Variants in C14orf132 observed in about 807,000 individuals in gnomAD.
C14orf132 encodes the protein chromosome 14 open reading frame 132, also known as uncharacterized protein C14orf132.
Under a neutral mutation model 5.8 loss-of-function variants are expected in C14orf132, and 6 were observed. The ratio of observed to expected loss-of-function variants is 1.03; its 90% confidence interval spans 0.57 to 2.04. The LOEUF is 2.04. Ranked by LOEUF, C14orf132 falls within the 30% of genes most tolerant of loss-of-function variation. C14orf132 has a pLI of 0.00. For synonymous variants in C14orf132, 51 were observed against 49.8 expected (o/e 1.02, Z -0.10); for missense variants, 125 against 115.8 (o/e 1.08, Z -0.37).
intron 1 of C14orf132, among the ~76,000 whole-genome samples, chr14:96,059,923 C>T (rs1452602025): frequency 1.3e-5 from 2 of 152,244 alleles, no homozygotes; most frequent in Non-Finnish European, 2.9e-5. Flanking sequence ...CATCTCTAGG[C>T]CTGGGCCCGA....
chr14:96,084,621 T>G (rs1254857349), intron 1 of C14orf132, among the ~76,000 whole-genome samples: 1 of 152,216 alleles, frequency 6.6e-6, no homozygotes, highest in Non-Finnish European at 1.5e-5. Context: ...AATTGAAATA[T>G]AGTAATAGAA....
At chr14:96,042,142 T>A (rs928904556) in intron 1 of C14orf132, among the ~76,000 whole-genome samples, 1 of 152,210 alleles carries the variant, frequency 6.6e-6, no homozygotes, top group African/African-American at 2.4e-5. Flanking sequence ...ACTGTAGGCA[T>A]ATATCTCCTG....
In C14orf132 at chr14:96,093,398, C is replaced by A. The variant is rs1888479500; in HGVS notation, c.*6663C>A. On this transcript the variant is annotated 3_prime_UTR_variant, in exon 2 of 2. Transcript: ENST00000555004. The stretch of plus-strand genomic sequence containing the variant: ...TAGGAATGGGGTGGGCATGGGAGTG[C>A]TGGGTAGCAGCCTTTGAGCAAATCT... 1 of 152,204 alleles carries A rather than the reference C, an allele frequency of 6.6e-6. No individual in the cohort carries two copies. Among genetic ancestry groups the A allele is most frequent in the East Asian group, 1.9e-4 (1 of 5,196 alleles). The allele number at this position is 152,204 out of a possible 1,614,324, so 9.4% of individuals were successfully genotyped here. A position where few individuals can be genotyped will look rare whatever the true frequency, so the allele number is the denominator to read the frequency against.
intron 1 of C14orf132, among the ~76,000 whole-genome samples, chr14:96,080,696 G>C (rs1467149778): frequency 6.6e-6 from 1 of 152,188 alleles, no homozygotes; most frequent in African/African-American, 2.4e-5. Context: ...CATGGAGACT[G>C]TTGGGAAGGC....
chr14:96,046,603 C>T (rs34335897), intron 1 of C14orf132, among the ~76,000 whole-genome samples: 9,882 of 152,324 alleles, frequency 0.065, 455 homozygotes, highest in East Asian at 0.15. Context: ...TCCCCCACCT[C>T]GCTCTTTCGC....
Position 96,054,377 on chromosome 14 carries a change from C to T in C14orf132, c.27+14850C>T, listed in dbSNP as rs189183567. On this transcript the variant is annotated intron_variant, in intron 1 of 1. Transcript: ENST00000555004. ...TGATGGTAGTTATGATACGTTGCCA[C>T]AAGCCTTGGGATTTTGCCGCTTAAA... 1.4e-3 allele frequency among the ~76,000 whole-genome samples: 212 copies of T among 152,290 alleles called. 3 individuals are homozygous for T. The highest frequency in any genetic ancestry group is 4.5e-3 in the African/African-American group (186 of 41,552).
At chr14:96,041,018 G>C (rs1330717018) in intron 1 of C14orf132, among the ~76,000 whole-genome samples, 2 of 152,174 alleles carry the variant, frequency 1.3e-5, no homozygotes, top group African/African-American at 4.8e-5. Context: ...GCAACTTGAC[G>C]AAATAAATAC....
chr14:96,093,872 A>G lies in C14orf132; in HGVS notation c.*7137A>G, dbSNP rs1430627335. The G allele has an allele frequency of 1.3e-5, 2 of 152,196 alleles. No homozygotes were observed. The highest frequency in any genetic ancestry group is 2.9e-5 in the Non-Finnish European group (2 of 68,030). 9.4% of individuals were successfully genotyped at this position (152,196 alleles called of 1,614,324 possible). A position where few individuals can be genotyped will look rare whatever the true frequency, so the allele number is the denominator to read the frequency against. ...TTTCTATTATGATAACTGAAAAGAG[A>G]AAAGAAGAAAACATGAACTCCTCTG... On this transcript the variant is annotated 3_prime_UTR_variant, in exon 2 of 2. Coordinates refer to ENST00000555004, the MANE Select transcript of C14orf132 (RefSeq NM_001252507.3).
chr14:96,058,574 A>T (rs1178203766), intron 1 of C14orf132, among the ~76,000 whole-genome samples: 1 of 152,120 alleles, frequency 6.6e-6, no homozygotes, highest in Non-Finnish European at 1.5e-5. Context: ...ATTGAAGTTA[A>T]CATTGTGGCT....
chr14:96,049,165 G>T (rs1045064720), intron 1 of C14orf132, among the ~76,000 whole-genome samples: 1 of 152,022 alleles, frequency 6.6e-6, no homozygotes, highest in African/African-American at 2.4e-5. Context: ...TCTAATCCCA[G>T]CACTTTGGGA....
chr14:96,050,963 C>CT (rs1887008588), intron 1 of C14orf132, among the ~76,000 whole-genome samples: 2 of 152,142 alleles, frequency 1.3e-5, no homozygotes. Flanking sequence ...ACCGTTCCTC[C>CT]TTTTCTCCCG....
At chr14:96,059,906 C>A (rs1343131320) in intron 1 of C14orf132, among the ~76,000 whole-genome samples, 4 of 152,200 alleles carry the variant, frequency 2.6e-5, no homozygotes, top group Non-Finnish European at 4.4e-5. Context: ...TTCCCATGAG[C>A]AGACCCCATC....
intron 1 of C14orf132, among the ~76,000 whole-genome samples, chr14:96,056,219 C>G (rs529943827): frequency 8.5e-5 from 13 of 152,330 alleles, no homozygotes; most frequent in Non-Finnish European, 1.6e-4. Context: ...ACTCAGCATG[C>G]TGGTGGCATG....
At position 96,087,056 on chromosome 14, in the gene C14orf132, A is replaced by G. The variant is rs1008269955; in HGVS notation, c.*321A>G. The G allele has an allele frequency of 8.1e-6, 3 of 370,492 alleles. No individual in the cohort carries two copies. Among genetic ancestry groups the G allele is most frequent in the Non-Finnish European group, 1.5e-5 (3 of 202,666 alleles). 23.0% of individuals were successfully genotyped at this position (370,492 alleles called of 1,614,324 possible). A position where few individuals can be genotyped will look rare whatever the true frequency, so the allele number is the denominator to read the frequency against. On this transcript the variant is annotated 3_prime_UTR_variant, in exon 2 of 2. Coordinates refer to ENST00000555004, the MANE Select transcript of C14orf132 (RefSeq NM_001252507.3). ...ACAGCTAGTTAAGTTTAAAACATAG[A>G]CATGATTTGATGATCGCTTGCTGGT...
chr14:96,072,162 C>T (rs1887730632), intron 1 of C14orf132, among the ~76,000 whole-genome samples: 1 of 152,252 alleles, frequency 6.6e-6, no homozygotes, highest in Non-Finnish European at 1.5e-5. Flanking sequence ...CGAGCACTTC[C>T]TCAGGAGAGT....
chr14:96,081,918 G>A (rs1230332352), intron 1 of C14orf132, among the ~76,000 whole-genome samples: 2 of 152,082 alleles, frequency 1.3e-5, no homozygotes, highest in African/African-American at 4.8e-5. Context: ...TTTTTTTGTT[G>A]TTGTTGTTTC....
Position 96,088,329 on chromosome 14 carries a change from C to G in C14orf132, c.*1594C>G, listed in dbSNP as rs1888270423. The G allele has an allele frequency of 6.6e-6, 1 of 152,210 alleles. No homozygotes were observed. Among genetic ancestry groups the G allele is most frequent in the Non-Finnish European group, 1.5e-5 (1 of 68,044 alleles). The allele number at this position is 152,210 out of a possible 1,614,324, so 9.4% of individuals were successfully genotyped here. ...CAGTGCCTGCTCATGGCTGCCAGTT[C>G]TTACCGATCACATCTGTCACTGCCA... is the stretch of plus-strand genomic sequence containing the variant. On this transcript the variant is annotated 3_prime_UTR_variant, in exon 2 of 2. Transcript: ENST00000555004.
intron 1 of C14orf132, among the ~76,000 whole-genome samples, chr14:96,065,182 C>T (rs1300371873): frequency 6.6e-6 from 1 of 152,084 alleles, no homozygotes; most frequent in Admixed American, 6.6e-5. Flanking sequence ...CACAGGATGG[C>T]CACCTCTGTG....
At chr14:96,056,219 C>T (rs529943827) in intron 1 of C14orf132, among the ~76,000 whole-genome samples, 1 of 152,212 alleles carries the variant, frequency 6.6e-6, no homozygotes, top group Non-Finnish European at 1.5e-5. Context: ...ACTCAGCATG[C>T]TGGTGGCATG....
Sources: gnomAD v4.1 joint callset for allele counts (sites outside exome capture counted in the v4.1 genomes callset) on GRCh38, gnomAD v4.1.1 for gene constraint, MANE v1.5 for transcripts, NCBI Gene and HGNC (gene_info 2026-07-23, HGNC 2026-07-21) for gene names.